SNX3: variants seen among roughly 807,000 people sequenced by gnomAD.
The protein encoded by SNX3 is sorting nexin-3.
Under a neutral mutation model 17.7 loss-of-function variants are expected in SNX3, and 5 were observed. The ratio of observed to expected loss-of-function variants is 0.28; its 90% confidence interval spans 0.15 to 0.59. The LOEUF is 0.59. SNX3 is among the 20% of genes least tolerant of loss of function. The pLI is 0.88. For missense variants in SNX3, 132 were observed against 206.8 expected (o/e 0.64, Z 2.22); for synonymous variants, 91 against 76.5 (o/e 1.19, Z -0.99).
rs868221039 is a variant in SNX3, at chr6:108,238,869, T to C, written c.163-15824A>G. ...TTCAATATTTGCTTTGTACCAATGA[T>C]AGGAGCTAACCACAAACTTGTGACA... On this transcript the variant is annotated intron_variant, in intron 1 of 3. Transcript: ENST00000230085. 3.3e-5 allele frequency among the ~76,000 whole-genome samples: 5 copies of C among 151,922 alleles called. No homozygotes were observed. The Middle Eastern group carries it at 0.01, about 310-fold the overall frequency.
intron 1 of SNX3, among the ~76,000 whole-genome samples, chr6:108,247,487 C>T (rs1445910590): frequency 6.6e-6 from 1 of 151,838 alleles, no homozygotes; most frequent in Non-Finnish European, 1.5e-5. Flanking sequence ...TCTACCTCAG[C>T]CTCCTAAGTA....
chr6:108,220,773 T>C (rs906028243), intron 2 of SNX3, among the ~76,000 whole-genome samples: 2 of 151,640 alleles, frequency 1.3e-5, no homozygotes, highest in Admixed American at 6.6e-5. Flanking sequence ...AGGTCAGGAG[T>C]TCGAGACCAG....
At chr6:108,245,665 G>T (rs1448124784) in intron 1 of SNX3, among the ~76,000 whole-genome samples, 1 of 152,186 alleles carries the variant, frequency 6.6e-6, no homozygotes, top group African/African-American at 2.4e-5. Flanking sequence ...GCGTGAGATG[G>T]TATCTCATTG....
chr6:108,223,979 A>G (rs1222547953), intron 1 of SNX3, among the ~76,000 whole-genome samples: 1 of 152,182 alleles, frequency 6.6e-6, no homozygotes, highest in Non-Finnish European at 1.5e-5. Flanking sequence ...GCTCTTGACT[A>G]TTCTCCAGCT....
chr6:108,220,890 A>G (rs1774745040), intron 2 of SNX3, among the ~76,000 whole-genome samples: 1 of 151,938 alleles, frequency 6.6e-6, no homozygotes, highest in Admixed American at 6.6e-5. Context: ...CTGAGGCAGG[A>G]GAATTGCTTG....
chr6:108,246,227 G>A (rs895481665), intron 1 of SNX3, among the ~76,000 whole-genome samples: 13 of 150,470 alleles, frequency 8.6e-5, no homozygotes, highest in African/African-American at 2.9e-4. Context: ...TTTTTGCTAG[G>A]TTTGTCGAGG....
intron 1 of SNX3, among the ~76,000 whole-genome samples, chr6:108,239,036 A>G (rs1775439822): frequency 6.6e-6 from 1 of 151,824 alleles, no homozygotes; most frequent in African/African-American, 2.4e-5. Context: ...GAGTAGCTGG[A>G]ATTACATGCA....
At chr6:108,217,323 A>ACTAGTCATTCAAATGGATGGGGAGG (rs1774619567) in intron 2 of SNX3, among the ~76,000 whole-genome samples, 1 of 152,154 alleles carries the variant, frequency 6.6e-6, no homozygotes, top group Non-Finnish European at 1.5e-5. Context: ...ACATATTCAA[A>ACTAGTCATTCAAATGGATGGGGAGG]CTAGTCATTC....
At chr6:108,248,103 T>C (rs1775746542) in intron 1 of SNX3, among the ~76,000 whole-genome samples, 1 of 152,200 alleles carries the variant, frequency 6.6e-6, no homozygotes. Context: ...ATGCTGGCAG[T>C]GAAGCACAAA....
rs539411817 is a variant in SNX3 at position 108,225,109 on chromosome 6, G to A, written c.163-2064C>T. On this transcript the variant is annotated intron_variant, in intron 1 of 3. Coordinates refer to ENST00000230085, the MANE Select transcript of SNX3 (RefSeq NM_003795.6). ...CATCCTGGCTAACAGGTGAAACCTC[G>A]TTTCTACTAAAAATACAAAAAAACC... 3.3e-5 allele frequency among the ~76,000 whole-genome samples: 5 copies of A among 152,116 alleles called. No individual in the cohort carries two copies. The South Asian group carries it at 8.3e-4, about 25-fold the overall frequency.
intron 1 of SNX3, among the ~76,000 whole-genome samples, chr6:108,244,913 T>C (rs1329418707): frequency 6.6e-6 from 1 of 152,140 alleles, no homozygotes; most frequent in Non-Finnish European, 1.5e-5. Context: ...CTGCTGGGGT[T>C]ACAGGCATGA....
At chr6:108,226,731 T>A (rs1441104527) in intron 1 of SNX3, among the ~76,000 whole-genome samples, 1 of 152,202 alleles carries the variant, frequency 6.6e-6, no homozygotes, top group Non-Finnish European at 1.5e-5. Context: ...AGCTTTTAAT[T>A]CAGGCCCTTA....
chr6:108,251,538 C>G (rs931570667), intron 1 of SNX3, among the ~76,000 whole-genome samples: 3 of 152,172 alleles, frequency 2.0e-5, no homozygotes, highest in Non-Finnish European at 4.4e-5. Flanking sequence ...AAACATTCCC[C>G]TTGGCTAGAA....
chr6:108,258,354 A>G (rs1036956274), intron 1 of SNX3, among the ~76,000 whole-genome samples: 14 of 150,836 alleles, frequency 9.3e-5, no homozygotes, highest in Non-Finnish European at 1.8e-4. Flanking sequence ...GCTACTCAGG[A>G]GGCTGAGGCA....
intron 1 of SNX3, among the ~76,000 whole-genome samples, chr6:108,244,151 C>T (rs575267101): frequency 3.3e-5 from 5 of 152,084 alleles, no homozygotes; most frequent in Admixed American, 1.3e-4. Context: ...AGTTCTCCCC[C>T]GCTTTTTTTT....
intron 1 of SNX3, among the ~76,000 whole-genome samples, chr6:108,257,513 C>CAGAT (rs1191496072): frequency 6.6e-6 from 1 of 151,954 alleles, no homozygotes. Context: ...ACTCTTATCT[C>CAGAT]AAGAAGAAAA....
chr6:108,244,650 T>G (rs968491569), intron 1 of SNX3, among the ~76,000 whole-genome samples: 11 of 136,714 alleles, frequency 8.0e-5, no homozygotes, highest in Admixed American at 2.9e-4. Flanking sequence ...GTAAGGAGTT[T>G]TTTTTTTTTT....
chr6:108,232,754 T>A (rs928727510), intron 1 of SNX3, among the ~76,000 whole-genome samples: 4 of 152,166 alleles, frequency 2.6e-5, no homozygotes, highest in Admixed American at 2.0e-4. Flanking sequence ...AACAGCTGCA[T>A]TTCTCCAAAT....
chr6:108,239,699 T>TA (rs1775459963), intron 1 of SNX3, among the ~76,000 whole-genome samples: 1 of 152,220 alleles, frequency 6.6e-6, no homozygotes, highest in South Asian at 2.1e-4. Context: ...AGAGGATTCT[T>TA]ACACACGTTC....
Sources: allele counts gnomAD v4.1 joint callset (sites outside exome capture counted in the v4.1 genomes callset), GRCh38; gene constraint gnomAD v4.1.1; transcripts MANE v1.5; gene names NCBI Gene and HGNC (gene_info 2026-07-23, HGNC 2026-07-21).